SGCZ: variants seen among roughly 807,000 people sequenced by gnomAD.
The protein encoded by SGCZ is sarcoglycan zeta.
Under a neutral mutation model 41.3 loss-of-function variants are expected in SGCZ, and 40 were observed. The observed-to-expected ratio is 0.97, with a 90% CI of 0.75 to 1.26. The LOEUF (loss-of-function observed/expected upper bound fraction) is 1.26. Among genes scored for constraint, SGCZ ranks in the 50% most tolerant of loss-of-function variants. The probability of loss-of-function intolerance (pLI) is 0.00; values close to 1 mark genes in which losing one functional copy is unlikely to be tolerated. For missense variants in SGCZ, 552 were observed against 369.8 expected (o/e 1.49, Z -4.04); for synonymous variants, 206 against 137.5 (o/e 1.50, Z -3.49).
chr8:15,192,577 G>A (rs1800578423), intron 1 of SGCZ, among the ~76,000 whole-genome samples: 1 of 152,076 alleles, frequency 6.6e-6, no homozygotes, highest in Non-Finnish European at 1.5e-5. Context: ...TATTTGGAGG[G>A]ACAGCCACTA....
At chr8:14,888,879 T>C (rs543163921) in intron 1 of SGCZ, among the ~76,000 whole-genome samples, 49 of 152,280 alleles carry the variant, frequency 3.2e-4, no homozygotes, top group African/African-American at 1.1e-3. Flanking sequence ...CTTAAAATAT[T>C]ACTTTAATGA....
chr8:15,170,144 A>T lies in SGCZ; in HGVS notation c.39+67441T>A, dbSNP rs112507183. Among the ~76,000 whole-genome samples the T allele has an allele frequency of 5.6e-3, 854 of 152,304 alleles. 4 individuals carry two copies. Among genetic ancestry groups the T allele is most frequent in the African/African-American group, 0.02 (814 of 41,562 alleles). ...AGTAATTAAATTTTTTTCCATGTGC[A>T]GACTGAAGTTATTTTGTCATAAATA... On this transcript the variant is annotated intron_variant, in intron 1 of 7. Coordinates refer to ENST00000382080, the MANE Select transcript of SGCZ (RefSeq NM_139167.4).
chr8:14,331,242 A>C (rs1029570132), intron 2 of SGCZ, among the ~76,000 whole-genome samples: 3 of 152,080 alleles, frequency 2.0e-5, no homozygotes, highest in African/African-American at 7.2e-5. Flanking sequence ...TGAAATTAAA[A>C]ACCATATTTA....
chr8:14,782,382 T>A (rs1800618375), intron 1 of SGCZ, among the ~76,000 whole-genome samples: 2 of 152,218 alleles, frequency 1.3e-5, no homozygotes, highest in Non-Finnish European at 2.9e-5. Context: ...AGCTTCTGTT[T>A]TGTTTTGTCT....
At chr8:14,808,777 A>G (rs1176255921) in intron 1 of SGCZ, among the ~76,000 whole-genome samples, 3 of 151,686 alleles carry the variant, frequency 2.0e-5, no homozygotes, top group Non-Finnish European at 4.4e-5. Context: ...AGACACATGC[A>G]CACGTATGTT....
intron 1 of SGCZ, among the ~76,000 whole-genome samples, chr8:14,699,020 G>C (rs1340552247): frequency 6.6e-6 from 1 of 151,570 alleles, no homozygotes. Flanking sequence ...AAATTAAATA[G>C]GGATAAATAA....
intron 4 of SGCZ, among the ~76,000 whole-genome samples, chr8:14,219,984 G>C (rs756731202): frequency 9.8e-5 from 15 of 152,296 alleles, no homozygotes; most frequent in Admixed American, 2.0e-4. Flanking sequence ...ACAAAAATGT[G>C]TTGATTGTAA....
At chr8:14,178,262 T>G (rs542176233) in intron 4 of SGCZ, among the ~76,000 whole-genome samples, 25 of 152,284 alleles carry the variant, frequency 1.6e-4, no homozygotes, top group African/African-American at 5.3e-4. Context: ...CTGATTTTGT[T>G]TTTCTTATAC....
At chr8:14,090,977 T>C (rs755158662) in intron 7 of SGCZ, among the ~76,000 whole-genome samples, 1 of 151,836 alleles carries the variant, frequency 6.6e-6, no homozygotes, top group Admixed American at 6.6e-5. Context: ...AAAAATCCCA[T>C]AGATTTCCCC....
intron 7 of SGCZ, among the ~76,000 whole-genome samples, chr8:14,091,198 G>A (rs530583591): frequency 9.2e-5 from 14 of 151,560 alleles, no homozygotes; most frequent in Admixed American, 5.3e-4. Context: ...AGTATTCCAT[G>A]GTGTATATGT....
At chr8:14,367,561 G>A (rs1033384298) in intron 2 of SGCZ, among the ~76,000 whole-genome samples, 4 of 152,092 alleles carry the variant, frequency 2.6e-5, no homozygotes, top group Admixed American at 2.0e-4. Flanking sequence ...CATTTCTGGG[G>A]AGGCCTCAGG....
At chr8:14,686,108 C>T (rs1278446169) in intron 1 of SGCZ, among the ~76,000 whole-genome samples, 1 of 151,998 alleles carries the variant, frequency 6.6e-6, no homozygotes, top group Admixed American at 6.6e-5. Context: ...ACCTCCTATC[C>T]AGGTAGTGCA....
chr8:14,950,792 T>C (rs187716712), intron 1 of SGCZ, among the ~76,000 whole-genome samples: 21 of 152,140 alleles, frequency 1.4e-4, no homozygotes, highest in Non-Finnish European at 2.7e-4. Context: ...TAAATTTAAA[T>C]CTGTATTATT....
At chr8:14,203,072 TCTC>T (rs1169518801) in intron 4 of SGCZ, among the ~76,000 whole-genome samples, 1 of 152,128 alleles carries the variant, frequency 6.6e-6, no homozygotes, top group African/African-American at 2.4e-5. Context: ...GTGACTTGCT[TCTC>T]CTCGCCTTCC....
At chr8:15,128,687 A>G (rs1424526316) in intron 1 of SGCZ, among the ~76,000 whole-genome samples, 1 of 152,226 alleles carries the variant, frequency 6.6e-6, no homozygotes, top group Non-Finnish European at 1.5e-5. Flanking sequence ...ACTGCAAAGA[A>G]ACACATGTCC....
chr8:14,204,856 C>G (rs1160841544), intron 4 of SGCZ, among the ~76,000 whole-genome samples: 1 of 152,172 alleles, frequency 6.6e-6, no homozygotes, highest in African/African-American at 2.4e-5. Flanking sequence ...CAGCCTCCAT[C>G]TGATAGTTAC....
chr8:14,781,710 G>T (rs766355412), intron 1 of SGCZ, among the ~76,000 whole-genome samples: 1 of 152,036 alleles, frequency 6.6e-6, no homozygotes, highest in African/African-American at 2.4e-5. Context: ...CTCATAAATT[G>T]AAAATATCAA....
chr8:14,272,464 G>T (rs1231495685), intron 3 of SGCZ, among the ~76,000 whole-genome samples: 1 of 152,178 alleles, frequency 6.6e-6, no homozygotes, highest in Non-Finnish European at 1.5e-5. Context: ...GTCCTGACTG[G>T]TAGCACTTGG....
chr8:14,287,031 C>T (rs762866671), intron 3 of SGCZ, among the ~76,000 whole-genome samples: 1 of 151,786 alleles, frequency 6.6e-6, no homozygotes, highest in South Asian at 2.1e-4. Flanking sequence ...TCTGTGATTT[C>T]TTTGTAAACC....
Sources: allele counts gnomAD v4.1 joint callset (sites outside exome capture counted in the v4.1 genomes callset), GRCh38; gene constraint gnomAD v4.1.1; transcripts MANE v1.5; gene names NCBI Gene and HGNC (gene_info 2026-07-23, HGNC 2026-07-21).